The following BRCA1 variants were observed in gnomAD, a reference collection of about 807,000 sequenced individuals.
The protein encoded by BRCA1 is breast cancer type 1 susceptibility protein.
A neutral mutation model predicts 173.7 loss-of-function variants in BRCA1; 140 were observed. That is an observed-to-expected ratio of 0.81 (90% confidence interval 0.70 to 0.93). The LOEUF (loss-of-function observed/expected upper bound fraction) is 0.93. Among genes scored for constraint, BRCA1 ranks in the 40% least tolerant of loss-of-function variants. BRCA1 has a pLI of 0.00. For missense variants in BRCA1, 1,983 were observed against 2,172.5 expected, an observed-to-expected ratio of 0.91 and a Z score of 1.73; for synonymous variants, 662 against 756.0, an observed-to-expected ratio of 0.88 and a Z score of 2.04.
intron 7 of BRCA1, among the ~76,000 whole-genome samples, chr17:43,097,820 T>G (rs1206237124): frequency 1.3e-5 from 2 of 152,166 alleles, no homozygotes; most frequent in African/African-American, 4.8e-5. Context: ...GGAATATAGT[T>G]AAGTGCTCCT....
At position 43,074,037 on chromosome 17, in the gene BRCA1, G is replaced by A. The variant is rs899073917; in HGVS notation, c.4675+294C>T. Among the ~76,000 whole-genome samples, 5 of 152,124 alleles carry A rather than the reference G, an allele frequency of 3.3e-5. No homozygotes were observed. In the East Asian group the frequency reaches 5.8e-4, roughly 18 times the overall value. ...CTCCTGGAGTACTGGGATTACAGGCGTGAGCCACTATGCCTGGCCTGAAAT... is the reference window on the plus strand; with the variant it reads ...CTCCTGGAGTACTGGGATTACAGGCATGAGCCACTATGCCTGGCCTGAAAT... On this transcript the variant is annotated intron_variant, in intron 14 of 22. Coordinates refer to ENST00000357654, the MANE Select transcript of BRCA1 (RefSeq NM_007294.4).
At chr17:43,116,761 C>T (rs1361389181) in intron 2 of BRCA1, among the ~76,000 whole-genome samples, 2 of 152,142 alleles carry the variant, frequency 1.3e-5, no homozygotes, top group African/African-American at 4.8e-5. Flanking sequence ...TCAGGTGATC[C>T]GCCTGCCTTG....
intron 18 of BRCA1, 133 bp downstream of exon 18, chr17:43,063,200 T>C: frequency 1.3e-6 from 1 of 796,438 alleles, no homozygotes; most frequent in Admixed American, 2.0e-5. Context: ...GCATAATTCT[T>C]GATGATCCTC....
intron 7 of BRCA1, 28 bp from the exon 8 acceptor site, chr17:43,097,317 T>A (rs2154521910): frequency 1.3e-6 from 2 of 1,576,138 alleles, no homozygotes; most frequent in Non-Finnish European, 1.7e-6. Flanking sequence ...AAAAAATAAA[T>A]CAATAAAAGT....
chr17:43,045,548 G>T lies in BRCA1; in HGVS notation c.*130C>A. On this transcript the variant is annotated 3_prime_UTR_variant, in exon 23 of 23. Transcript: ENST00000357654. ...AGCCAGAAGTCCTTTTCAGGCTGAT[G>T]TACATAAAATATTTAGTAGCCAGGA... 7.2e-7 allele frequency: 1 copy of T among 1,381,230 alleles called. No individual in the cohort carries two copies. Among genetic ancestry groups the T allele is most frequent in the Non-Finnish European group, 1.0e-6 (1 of 990,450 alleles). The allele number at this position is 1,381,230 out of a possible 1,614,324, so 85.6% of individuals were successfully genotyped here. A position where few individuals can be genotyped will look rare whatever the true frequency, so the allele number is the denominator to read the frequency against.
Position 43,135,666 on chromosome 17 carries a change from A to AACGCC in BRCA1, c.-19-11556_-19-11552dup, listed in dbSNP as rs557438730. Among the ~76,000 whole-genome samples the AACGCC allele has an allele frequency of 1.9e-3, 293 of 152,194 alleles. 3 individuals carry two copies. Among genetic ancestry groups the AACGCC allele is most frequent in the African/African-American group, 6.4e-3 (266 of 41,520 alleles). On this transcript the variant is annotated intron_variant, in intron 1 of 7. Transcript: ENST00000634433. ...TAGGGCGGCGCCAGACCCTCTTCCC[A>AACGCC]ACGCCACCCTCTAAAGCCTCGGCTC... is the stretch of plus-strand genomic sequence containing the variant.
Position 43,060,788 on chromosome 17 carries a change from C to T in BRCA1, c.5193+2545G>A, listed in dbSNP as rs8077486. Among the ~76,000 whole-genome samples, 67,458 of 151,728 alleles carry T rather than the reference C, an allele frequency of 0.44. 16,811 individuals carry two copies. Among genetic ancestry groups the T allele is most frequent in the African/African-American group, 0.68 (28,201 of 41,416 alleles). On this transcript the variant is annotated intron_variant, in intron 18 of 22. Coordinates refer to ENST00000357654, the MANE Select transcript of BRCA1 (RefSeq NM_007294.4). ...TCCCAAAGTGCTGGGATTATAGGCA[C>T]GAGCCACCACACACGACCAACATTG...
At chr17:43,138,662 G>A in intron 1 of BRCA1, 1 of 777,840 alleles carries the variant, frequency 1.3e-6, no homozygotes, top group Non-Finnish European at 2.4e-6. Context: ...TGCAGGTGCT[G>A]GAAGCCCAGG....
intron 5 of BRCA1, 86 bp downstream of exon 5, chr17:43,104,782 A>T: frequency 8.2e-7 from 1 of 1,222,804 alleles, no homozygotes; most frequent in South Asian, 1.2e-5. Flanking sequence ...AGGTCTTATC[A>T]CCACGTCATA....
At chr17:43,152,148 G>C (rs2056165890) in intron 1 of BRCA1, among the ~76,000 whole-genome samples, 1 of 152,216 alleles carries the variant, frequency 6.6e-6, no homozygotes, top group Non-Finnish European at 1.5e-5. Flanking sequence ...TATGTTGATG[G>C]TGAATTTTGG....
chr17:43,100,669 T>TAAC (rs1192223091), intron 6 of BRCA1, among the ~76,000 whole-genome samples: 4 of 24,774 alleles, frequency 1.6e-4, no homozygotes, highest in Non-Finnish European at 2.5e-4. Context: ...TATATATATA[T>TAAC]ATATATATAA....
At chr17:43,079,731 G>T in intron 12 of BRCA1, 1 of 1,422,334 alleles carries the variant, frequency 7.0e-7, no homozygotes, top group Non-Finnish European at 9.9e-7. Context: ...AGAACCAATG[G>T]GAAGGAGCCT....
At chr17:43,129,014 G>A (rs2055941673), upstream of BRCA1, among the ~76,000 whole-genome samples, 1 of 152,110 alleles carries the variant, frequency 6.6e-6, no homozygotes, top group South Asian at 2.1e-4. Flanking sequence ...ACCAAAGTTC[G>A]GGTTGCCAGG....
At chr17:43,149,454 C>T (rs972642649) in intron 1 of BRCA1, among the ~76,000 whole-genome samples, 4 of 150,300 alleles carry the variant, frequency 2.7e-5, no homozygotes, top group Non-Finnish European at 4.4e-5. Flanking sequence ...AGGCTGGTCT[C>T]GAACACCTGA....
At chr17:43,132,382 G>C (rs569170684) in intron 1 of BRCA1, among the ~76,000 whole-genome samples, 2 of 152,080 alleles carry the variant, frequency 1.3e-5, no homozygotes, top group African/African-American at 4.8e-5. Flanking sequence ...ACTGTTTTAA[G>C]GAAGTCCCAG....
intron 11 of BRCA1, among the ~76,000 whole-genome samples, chr17:43,090,258 ATTC>A (rs753568708): frequency 2.6e-5 from 4 of 152,184 alleles, no homozygotes; most frequent in Non-Finnish European, 5.9e-5. Flanking sequence ...CAGTAGGCAT[ATTC>A]TTAAAATGGA....
Position 43,103,879 on chromosome 17 carries a change from G to A in BRCA1, c.441+243C>T, listed in dbSNP as rs534297223. 2.6e-5 allele frequency among the ~76,000 whole-genome samples: 4 copies of A among 152,090 alleles called. No homozygotes were observed. The South Asian group carries it at 8.3e-4, about 32-fold the overall frequency. On this transcript the variant is annotated intron_variant, in intron 6 of 22. Coordinates refer to ENST00000357654, the MANE Select transcript of BRCA1 (RefSeq NM_007294.4). ...CCCAGCAATTTGGGGAGCCGAGGTGGGTGGATCACCTGAGGTTAGGAGTTC... is the reference window on the plus strand; with the variant it reads ...CCCAGCAATTTGGGGAGCCGAGGTGAGTGGATCACCTGAGGTTAGGAGTTC...
At position 43,076,600 on chromosome 17, in the gene BRCA1, G is replaced by C. The variant is rs80356932; in HGVS notation, c.4372C>G (p.Gln1458Glu). Residue 1458 changes from glutamine (Q) to glutamate (E), a missense_variant, in exon 13 of 23, where the codon CAG (glutamine) becomes GAG (glutamate). Transcript: ENST00000357654. Reference protein sequence around the residue: ...STSEKAVLTSQKSSEYPISQN... With the variant: ...STSEKAVLTSEKSSEYPISQN... ...CTTATAGGGTATTCACTACTTTTCT[G>C]TGAAGTTAATACTGCTTTAAATGGA... 1 of 1,613,442 alleles carries C rather than the reference G, an allele frequency of 6.2e-7. No individual in the cohort carries two copies.
chr17:43,055,120 T>C (rs948357385), intron 19 of BRCA1, among the ~76,000 whole-genome samples: 16 of 152,118 alleles, frequency 1.1e-4, no homozygotes, highest in African/African-American at 3.6e-4. Flanking sequence ...ACATAGCACT[T>C]AGGGAGCTGA....
Sources: allele counts gnomAD v4.1 joint callset (sites outside exome capture counted in the v4.1 genomes callset), GRCh38; gene constraint gnomAD v4.1.1; transcripts MANE v1.5; gene names NCBI Gene and HGNC (gene_info 2026-07-23, HGNC 2026-07-21).